The following KIF26B variants were observed in gnomAD, a reference collection of about 807,000 sequenced individuals.
KIF26B encodes the protein kinesin family member 26B, also known as kinesin-like protein KIF26B.
In KIF26B, 63 loss-of-function variants were observed where a neutral mutation model predicts 151.2. That is an observed-to-expected ratio of 0.42 (90% CI 0.34 to 0.51). The LOEUF (loss-of-function observed/expected upper bound fraction) is 0.51, where lower values mean the gene tolerates loss of function less well. KIF26B is among the 20% of genes least tolerant of loss of function. KIF26B has a pLI of 0.07. For missense variants in KIF26B, 2,813 were observed against 2,913.6 expected (o/e 0.97, Z 0.79); for synonymous variants, 1,357 against 1,262.1 (o/e 1.08, Z -1.59).
At chr1:245,205,493 C>T (rs546330450) in intron 2 of KIF26B, among the ~76,000 whole-genome samples, 1 of 152,212 alleles carries the variant, frequency 6.6e-6, no homozygotes, top group African/African-American at 2.4e-5. Context: ...CAACCAGCAA[C>T]ACTAATTACC....
In KIF26B at chr1:245,156,693, G is replaced by T. The variant is rs1298900548; in HGVS notation, c.465+10G>T. ...GCCCTTCCCGGGCAAGGTGAGCGCC[G>T]CGCGGGGCTGGCTGGGGAGGCGCCG... On this transcript the variant is annotated intron_variant, in intron 2 of 14. Transcript: ENST00000407071. The T allele has an allele frequency of 1.4e-6, 2 of 1,467,572 alleles. No homozygotes were observed. Among genetic ancestry groups the T allele is most frequent in the Admixed American group, 4.7e-5 (2 of 42,250 alleles). The allele number at this position is 1,467,572 out of a possible 1,614,324, so 90.9% of individuals were successfully genotyped here. A position where few individuals can be genotyped will look rare whatever the true frequency, so the allele number is the denominator to read the frequency against.
rs138865257 is a variant in KIF26B at position 245,309,184 on chromosome 1, G to A, written c.466-57650G>A. On this transcript the variant is annotated intron_variant, in intron 2 of 14. Coordinates refer to ENST00000407071, the MANE Select transcript of KIF26B (RefSeq NM_018012.4). ...CATCAGGATTGCCTGGAATACCAGG[G>A]ATTATTAGTGCCAATAATGCTGTCA... 3.3e-3 allele frequency among the ~76,000 whole-genome samples: 500 copies of A among 152,270 alleles called. 3 individuals carry two copies. The highest frequency in any genetic ancestry group is 0.011 in the African/African-American group (475 of 41,542).
At chr1:245,188,099 GCAAAACCCCATCTCTACTAAAAATACAAA>G (rs1669031546) in intron 2 of KIF26B, among the ~76,000 whole-genome samples, 1 of 151,958 alleles carries the variant, frequency 6.6e-6, no homozygotes, top group African/African-American at 2.4e-5. Context: ...AGCCGACATG[GCAAAACCCCATCTCTACTAAAAATACAAA>G]AATTAGCCAG....
At chr1:245,653,416 C>A (rs1487885051) in intron 10 of KIF26B, among the ~76,000 whole-genome samples, 2 of 152,122 alleles carry the variant, frequency 1.3e-5, no homozygotes, top group African/African-American at 4.8e-5. Flanking sequence ...AAATGAGCCC[C>A]CGGTGAGAGT....
At chr1:245,425,066 C>G (rs1658590293) in intron 4 of KIF26B, among the ~76,000 whole-genome samples, 1 of 141,002 alleles carries the variant, frequency 7.1e-6, no homozygotes, top group Non-Finnish European at 1.5e-5. Context: ...CAAACGAGGG[C>G]CTTTTTTTTT....
At chr1:245,695,318 C>T (rs542347909) in intron 12 of KIF26B, among the ~76,000 whole-genome samples, 87 of 152,264 alleles carry the variant, frequency 5.7e-4, no homozygotes, top group African/African-American at 2.0e-3. Context: ...TCCCTTCAGG[C>T]CACTTCACTC....
intron 3 of KIF26B, among the ~76,000 whole-genome samples, chr1:245,368,749 GAT>G (rs1403453486): frequency 2.0e-5 from 3 of 152,202 alleles, no homozygotes; most frequent in African/African-American, 7.2e-5. Flanking sequence ...AATGAGGGAA[GAT>G]AGAGTGTGTG....
At chr1:245,659,973 C>T (rs988053764) in intron 10 of KIF26B, among the ~76,000 whole-genome samples, 5 of 151,922 alleles carry the variant, frequency 3.3e-5, no homozygotes, top group South Asian at 4.2e-4. Context: ...GCTTGAACCC[C>T]GGGAGGTGGA....
At position 245,239,104 on chromosome 1, in the gene KIF26B, C is replaced by T. The variant is rs1054433753; in HGVS notation, c.465+82421C>T. Among the ~76,000 whole-genome samples, 1 of 152,142 alleles carries T rather than the reference C, an allele frequency of 6.6e-6. No homozygotes were observed. The highest frequency in any genetic ancestry group is 2.4e-5 in the African/African-American group (1 of 41,438). On this transcript the variant is annotated intron_variant, in intron 2 of 14. Coordinates refer to ENST00000407071, the MANE Select transcript of KIF26B (RefSeq NM_018012.4). This position sits in a 1 kb window ranked among gnomAD's most constrained non-coding sequence, Gnocchi z 4.3. ...TCACGTCGCTGTCCTTCTCCCAGCC[C>T]ATTCATTTTACTTCCCCTCTCAGAA...
At position 245,244,222 on chromosome 1, in the gene KIF26B, G is replaced by A. The variant is rs1188236712; in HGVS notation, c.465+87539G>A. On this transcript the variant is annotated intron_variant, in intron 2 of 14. Transcript: ENST00000407071. This position sits in a 1 kb window ranked among gnomAD's most constrained non-coding sequence, Gnocchi z 4.2. ...TCTTTCCACCTTAGCCTCCCAAAGTGCTGGGATTGTAGGAGTGAGCCACTG... is the reference window on the plus strand; with the variant it reads ...TCTTTCCACCTTAGCCTCCCAAAGTACTGGGATTGTAGGAGTGAGCCACTG... 6.6e-6 allele frequency among the ~76,000 whole-genome samples: 1 copy of A among 152,118 alleles called. No homozygotes were observed. Among genetic ancestry groups the A allele is most frequent in the East Asian group, 1.9e-4 (1 of 5,184 alleles).
At chr1:245,681,277 A>T (rs530022147) in intron 10 of KIF26B, among the ~76,000 whole-genome samples, 123 of 150,078 alleles carry the variant, frequency 8.2e-4, no homozygotes, top group African/African-American at 2.5e-3. Context: ...TGGCGCGATC[A>T]CGGCTCACTG....
intron 4 of KIF26B, among the ~76,000 whole-genome samples, chr1:245,465,194 G>A (rs1659757387): frequency 6.6e-6 from 1 of 152,152 alleles, no homozygotes; most frequent in South Asian, 2.1e-4. Context: ...TGGCCAGGAT[G>A]GTCTCCATCT....
At position 245,496,374 on chromosome 1, in the gene KIF26B, G is replaced by A. The variant is rs545278259; in HGVS notation, c.1167-44393G>A. Among the ~76,000 whole-genome samples the A allele has an allele frequency of 2.6e-4, 40 of 152,284 alleles. No individual in the cohort carries two copies. In the East Asian group the frequency reaches 7.1e-3, roughly 27 times the overall value. On this transcript the variant is annotated intron_variant, in intron 4 of 14. Coordinates refer to ENST00000407071, the MANE Select transcript of KIF26B (RefSeq NM_018012.4). ...GACCATATAAAAGAACAAAAATGGG[G>A]TTTTGTGGGCACTAAAATATATGTA...
At chr1:245,187,566 G>C (rs1030464116) in intron 2 of KIF26B, among the ~76,000 whole-genome samples, 1 of 152,146 alleles carries the variant, frequency 6.6e-6, no homozygotes, top group Non-Finnish European at 1.5e-5. Context: ...TGCTGTGGTC[G>C]CTTTCTTTTA....
intron 2 of KIF26B, among the ~76,000 whole-genome samples, chr1:245,203,350 A>G (rs1389072775): frequency 2.0e-5 from 3 of 152,152 alleles, no homozygotes; most frequent in African/African-American, 7.2e-5. Context: ...GATTGCCACA[A>G]GAATGTTTTT....
chr1:245,219,372 G>A (rs1669716896), intron 2 of KIF26B, among the ~76,000 whole-genome samples: 1 of 151,740 alleles, frequency 6.6e-6, no homozygotes, highest in Non-Finnish European at 1.5e-5. Flanking sequence ...GCCTGCCCCG[G>A]CCTCCCAAAG....
chr1:245,294,402 G>A (rs1671303599), intron 2 of KIF26B, among the ~76,000 whole-genome samples: 1 of 152,126 alleles, frequency 6.6e-6, no homozygotes, highest in Admixed American at 6.5e-5. Flanking sequence ...TGGAGGAGTT[G>A]GATAGCTTTT....
At chr1:245,253,009 AT>A (rs199535347) in intron 2 of KIF26B, among the ~76,000 whole-genome samples, 5,190 of 135,184 alleles carry the variant, frequency 0.038, 203 homozygotes, top group African/African-American at 0.13. Flanking sequence ...TTTTTTCTTA[AT>A]TTTTTTTTTT....
chr1:245,488,709 G>GCATTT lies in KIF26B; in HGVS notation c.1167-52057_1167-52053dup, dbSNP rs1335724193. Among the ~76,000 whole-genome samples the GCATTT allele has an allele frequency of 6.6e-6, 1 of 152,178 alleles. No homozygotes were observed. The highest frequency in any genetic ancestry group is 2.4e-5 in the African/African-American group (1 of 41,444). ...TAATGGAGACTTAGAGTTGAGTGAA[G>GCATTT]CATTTTAGCTTTAAGAAGATTATTA... On this transcript the variant is annotated intron_variant, in intron 4 of 14. Transcript: ENST00000407071. This position sits in a 1 kb window ranked among gnomAD's most constrained non-coding sequence, Gnocchi z 4.6.
Sources: allele counts gnomAD v4.1 joint callset (sites outside exome capture counted in the v4.1 genomes callset), GRCh38; gene constraint gnomAD v4.1.1; non-coding constraint Gnocchi (gnomAD v3.1); transcripts MANE v1.5; gene names NCBI Gene and HGNC (gene_info 2026-07-23, HGNC 2026-07-21).